Variants in KIN observed in about 807,000 individuals in gnomAD.
KIN encodes DNA/RNA-binding protein KIN17.
A neutral mutation model predicts 63.0 loss-of-function variants in KIN; 47 were observed. The ratio of observed to expected loss-of-function variants is 0.75; its 90% CI spans 0.59 to 0.95. KIN has a LOEUF of 0.95. Ranked by LOEUF, KIN falls within the 40% of genes least tolerant of loss-of-function variation. The pLI, the probability that KIN is intolerant of heterozygous loss-of-function variation, is 0.00. For missense variants in KIN, 408 were observed against 460.9 expected, an observed-to-expected ratio of 0.89 and a Z score of 1.05; for synonymous variants, 160 against 157.7, an observed-to-expected ratio of 1.01 and a Z score of -0.11.
chr10:7,785,582 C>T (rs553553581), intron 1 of KIN, among the ~76,000 whole-genome samples: 6 of 152,136 alleles, frequency 3.9e-5, no homozygotes, highest in African/African-American at 1.2e-4. Flanking sequence ...TACCTGAGGT[C>T]GGGAGTTTGA....
At chr10:7,766,206 C>A in intron 8 of KIN, 103 bp from the exon 9 acceptor site, 1 of 670,210 alleles carries the variant, frequency 1.5e-6, no homozygotes, top group South Asian at 2.0e-5. Context: ...GTGAAGTCCT[C>A]TACTTCACAG....
Position 7,754,214 on chromosome 10 carries a change from C to A in KIN, c.*1866G>T. 1 of 394,496 alleles carries A rather than the reference C, an allele frequency of 2.5e-6. No individual in the cohort carries two copies. 24.4% of individuals were successfully genotyped at this position (394,496 alleles called of 1,614,324 possible). On this transcript the variant is annotated 3_prime_UTR_variant, in exon 13 of 13. Coordinates refer to ENST00000379562, the MANE Select transcript of KIN (RefSeq NM_012311.4). ...GGCATGGTAGTGCATGCCTGTAGTCCCAGCTACTCGGGAGGCTGAGGTGGG... is the reference window on the plus strand; with the variant it reads ...GGCATGGTAGTGCATGCCTGTAGTCACAGCTACTCGGGAGGCTGAGGTGGG...
At chr10:7,771,985 T>G in intron 7 of KIN, among the ~76,000 whole-genome samples, 1 of 151,310 alleles carries the variant, frequency 6.6e-6, no homozygotes, top group East Asian at 1.9e-4. Context: ...AAAAAGATGA[T>G]CAGAAGAGCC....
chr10:7,761,223 A>G (rs1835429653), intron 11 of KIN: 1 of 152,206 alleles, frequency 6.6e-6, no homozygotes. Flanking sequence ...ATTGTACATC[A>G]ATTTTACCAC....
At chr10:7,764,519 A>G (rs1017275873) in intron 9 of KIN, among the ~76,000 whole-genome samples, 6 of 152,246 alleles carry the variant, frequency 3.9e-5, no homozygotes, top group African/African-American at 7.2e-5. Flanking sequence ...CTTCAAGTGA[A>G]TATATCAAAG....
chr10:7,767,407 C>A (rs532259330), intron 8 of KIN, among the ~76,000 whole-genome samples: 2 of 152,338 alleles, frequency 1.3e-5, no homozygotes, highest in African/African-American at 4.8e-5. Context: ...AGCTCCGTGA[C>A]TAACAAGGAC....
chr10:7,785,769 G>A (rs1419223388), intron 1 of KIN, among the ~76,000 whole-genome samples: 4 of 150,346 alleles, frequency 2.7e-5, no homozygotes, highest in Non-Finnish European at 5.9e-5. Context: ...AGCTGAGATC[G>A]CATCACTGCA....
chr10:7,780,004 T>C (rs1835863983), intron 4 of KIN, 52 bp downstream of exon 4: 2 of 1,578,838 alleles, frequency 1.3e-6, no homozygotes, highest in Non-Finnish European at 1.7e-6. Flanking sequence ...CATCTCATCC[T>C]ATGAAGATTA....
At chr10:7,779,965 C>T (rs986093394) in intron 4 of KIN, 91 bp downstream of exon 4, 20 of 1,393,658 alleles carry the variant, frequency 1.4e-5, no homozygotes, top group Middle Eastern at 1.8e-4. Context: ...AACACTGACC[C>T]AATTTTTTTT....
chr10:7,785,031 C>T (rs1370539705), intron 1 of KIN, among the ~76,000 whole-genome samples: 1 of 151,800 alleles, frequency 6.6e-6, no homozygotes, highest in Non-Finnish European at 1.5e-5. Flanking sequence ...AGGAGGAGTG[C>T]TTGAGTTCAG....
In KIN at chr10:7,754,417, A is replaced by T. The variant is rs1027671425; in HGVS notation, c.*1663T>A. On this transcript the variant is annotated 3_prime_UTR_variant, in exon 13 of 13. Transcript: ENST00000379562. Reference sequence around the variant, plus strand: ...TGGGAGGCTGAGGCGGGCAGATCATAAGGTCAAGAGATCGAGACCATCCTG... The same window carrying T: ...TGGGAGGCTGAGGCGGGCAGATCATTAGGTCAAGAGATCGAGACCATCCTG... 1 of 208,280 alleles carries T rather than the reference A, an allele frequency of 4.8e-6. No homozygotes were observed. Among genetic ancestry groups the T allele is most frequent in the Non-Finnish European group, 9.9e-6 (1 of 101,104 alleles). 12.9% of individuals were successfully genotyped at this position (208,280 alleles called of 1,614,324 possible).
intron 12 of KIN, among the ~76,000 whole-genome samples, chr10:7,757,017 C>A (rs1835344117): frequency 6.6e-6 from 1 of 152,140 alleles, no homozygotes; most frequent in Admixed American, 6.5e-5. Flanking sequence ...ATTGATTTAA[C>A]CTCTCTGTCC....
intron 8 of KIN, among the ~76,000 whole-genome samples, chr10:7,768,575 G>A (rs17142975): frequency 0.018 from 2,670 of 151,860 alleles, 37 homozygotes; most frequent in South Asian, 0.034. Flanking sequence ...TCTCGTGCTC[G>A]CTAGGAGGTG....
intron 12 of KIN, 120 bp from the exon 13 acceptor site, chr10:7,756,262 T>A (rs1835331565): frequency 3.7e-6 from 2 of 536,224 alleles, no homozygotes; most frequent in Admixed American, 7.4e-5. Context: ...ACCATTAAGA[T>A]TGTTAACATT....
At chr10:7,775,548 T>C (rs540981283) in intron 6 of KIN, among the ~76,000 whole-genome samples, 1 of 152,320 alleles carries the variant, frequency 6.6e-6, no homozygotes, top group East Asian at 1.9e-4. Context: ...TTAAGTTAAT[T>C]GTAGTCAGTT....
chr10:7,759,963 C>G lies in KIN; in HGVS notation c.1046G>C (p.Gly349Ala). The G allele has an allele frequency of 6.5e-7, 1 of 1,527,318 alleles. No individual in the cohort carries two copies. The highest frequency in any genetic ancestry group is 8.8e-7 in the Non-Finnish European group (1 of 1,134,246). The allele number at this position is 1,527,318 out of a possible 1,614,324, so 94.6% of individuals were successfully genotyped here. A position where few individuals can be genotyped will look rare whatever the true frequency, so the allele number is the denominator to read the frequency against. Residue 349 changes from glycine (G) to alanine (A), a missense_variant, in exon 12 of 13, where the codon GGC (glycine) becomes GCC (alanine). By Grantham distance (60) the Gly-to-Ala change is moderately conservative. This residue lies in a region of KIN where 298 missense variants were observed against 296.0 expected (regional missense o/e 1.01). Coordinates refer to ENST00000379562, the MANE Select transcript of KIN (RefSeq NM_012311.4). ...TAGGGTACCTTCATTTCCTCTGTAG[C>G]CTCCATTTAAAACTAGAATTCTTTT... is the stretch of plus-strand genomic sequence containing the variant. ...PGKRILVLNG[G>A]YRGNEGTLES...
intron 12 of KIN, among the ~76,000 whole-genome samples, chr10:7,758,955 C>T (rs942043799): frequency 2.0e-5 from 3 of 151,762 alleles, no homozygotes; most frequent in African/African-American, 7.3e-5. Context: ...AGGAGAAAAG[C>T]TTGATTTACT....
intron 11 of KIN, 145 bp from the exon 12 acceptor site, chr10:7,760,135 G>T (rs991296827): frequency 2.0e-6 from 1 of 498,654 alleles, no homozygotes; most frequent in African/African-American, 2.0e-5. Context: ...TTTAAGAAGT[G>T]TGTAGTATTT....
At chr10:7,784,526 T>C (rs1029871177) in intron 1 of KIN, among the ~76,000 whole-genome samples, 18 of 152,030 alleles carry the variant, frequency 1.2e-4, no homozygotes, top group Non-Finnish European at 1.5e-5. Context: ...AGTTGGAGGA[T>C]GCTGTGAGCT....
Sources: gnomAD v4.1 joint callset for allele counts (sites outside exome capture counted in the v4.1 genomes callset) on GRCh38, gnomAD v4.1.1 for gene constraint, gnomAD v4.1.1 regional missense constraint, MANE v1.5 for transcripts, NCBI Gene and HGNC (gene_info 2026-07-23, HGNC 2026-07-21) for gene names.